Variants in NCKAP5 observed in about 807,000 individuals in gnomAD.
NCKAP5 encodes NCK associated protein 5, also known as nck-associated protein 5.
Under a neutral mutation model 167.0 loss-of-function variants are expected in NCKAP5, and 92 were observed. That is an observed-to-expected ratio of 0.55 (90% confidence interval 0.47 to 0.66). The LOEUF (loss-of-function observed/expected upper bound fraction) is 0.66, where lower values mean the gene tolerates loss of function less well. Ranked by LOEUF, NCKAP5 falls within the 30% of genes least tolerant of loss-of-function variation. The probability of loss-of-function intolerance (pLI) is 0.00; values close to 1 mark genes in which losing one functional copy is unlikely to be tolerated. For missense variants in NCKAP5, 2,378 were observed against 2,315.0 expected (o/e 1.03, Z -0.56); for synonymous variants, 891 against 877.4 (o/e 1.02, Z -0.27).
intron 5 of NCKAP5, among the ~76,000 whole-genome samples, chr2:133,154,030 C>T (rs920237972): frequency 1.2e-4 from 18 of 151,880 alleles, no homozygotes; most frequent in East Asian, 9.7e-4. Context: ...TTAGTAGAGA[C>T]GGGGTTTTGC....
At chr2:133,590,523 CAAAA>C in the NCKAP5 span, among the ~76,000 whole-genome samples, 17,294 of 89,664 alleles carry the variant, frequency 0.19, 904 homozygotes, top group East Asian at 0.34. Context: ...GACTCTGTCT[CAAAA>C]AAAAAAAAAA....
chr2:132,717,793 A>G (rs529716785), intron 19 of NCKAP5, among the ~76,000 whole-genome samples: 1 of 152,184 alleles, frequency 6.6e-6, no homozygotes, highest in African/African-American at 2.4e-5. Flanking sequence ...CTTGTTTGGG[A>G]AATTGGGGCT....
At chr2:133,440,441 T>A (rs1270566484) in intron 3 of NCKAP5, among the ~76,000 whole-genome samples, 1 of 152,128 alleles carries the variant, frequency 6.6e-6, no homozygotes, top group Non-Finnish European at 1.5e-5. Context: ...CCAGGCCCAG[T>A]GGCTCACACC....
chr2:133,479,670 T>C (rs1398491168), intron 3 of NCKAP5, among the ~76,000 whole-genome samples: 1 of 152,170 alleles, frequency 6.6e-6, no homozygotes, highest in Admixed American at 6.5e-5. Flanking sequence ...ACAGATCCAT[T>C]TAGTGGAGAC....
In NCKAP5 at chr2:132,711,078, T is replaced by A. The variant is rs960588102; in HGVS notation, c.5713+14549A>T. Among the ~76,000 whole-genome samples the A allele has an allele frequency of 2.0e-5, 3 of 152,342 alleles. No individual in the cohort carries two copies. In the East Asian group the frequency reaches 5.8e-4, roughly 29 times the overall value. On this transcript the variant is annotated intron_variant, in intron 19 of 19. Coordinates refer to ENST00000409261, the MANE Select transcript of NCKAP5 (RefSeq NM_207363.3). ...GGCACTGTTCTAGGCACTAGTGACA[T>A]AAGCATGAGCAAAAACACTCTGTCC...
chr2:132,908,576 T>G (rs1379401718), intron 8 of NCKAP5, among the ~76,000 whole-genome samples: 3 of 152,256 alleles, frequency 2.0e-5, no homozygotes, highest in Non-Finnish European at 4.4e-5. Flanking sequence ...CTTTTAATGC[T>G]AATTGTTTTT....
intron 8 of NCKAP5, among the ~76,000 whole-genome samples, chr2:132,884,367 A>T (rs550486619): frequency 2.0e-5 from 3 of 152,170 alleles, no homozygotes; most frequent in African/African-American, 7.2e-5. Flanking sequence ...GGCCAGTCCC[A>T]TGGAAGCTTT....
At chr2:133,112,315 A>C (rs769610278) in intron 6 of NCKAP5, among the ~76,000 whole-genome samples, 1 of 152,134 alleles carries the variant, frequency 6.6e-6, no homozygotes, top group Non-Finnish European at 1.5e-5. Flanking sequence ...TCTACTAAAA[A>C]TACGAAAAAT....
At position 133,292,811 on chromosome 2, in the gene NCKAP5, T is replaced by G. The variant is rs149029429; in HGVS notation, c.143+10226A>C. On this transcript the variant is annotated intron_variant, in intron 4 of 19. Coordinates refer to ENST00000409261, the MANE Select transcript of NCKAP5 (RefSeq NM_207363.3). ...AATCTATCTTTTAAGTACGAATATT[T>G]CCCCAGTTACATTAGGGATCAATTT... 4.3e-3 allele frequency among the ~76,000 whole-genome samples: 661 copies of G among 152,278 alleles called. 6 individuals are homozygous for G. Among genetic ancestry groups the G allele is most frequent in the African/African-American group, 0.015 (628 of 41,568 alleles).
Position 132,782,670 on chromosome 2 carries a change from T to A in NCKAP5, c.4141A>T (p.Ile1381Phe), listed in dbSNP as rs191768817. The A allele has an allele frequency of 1.2e-5, 20 of 1,613,170 alleles. No homozygotes were observed. Among genetic ancestry groups the A allele is most frequent in the African/African-American group, 4.0e-5 (3 of 75,046 alleles). ...RIPPKSEGLL[I>F]PPGKEDQQAF... ...TGCTGGTCTTCCTTTCCAGGTGGGA[T>A]GAGGAGTCCCTCAGACTTTGGAGGG... Residue 1381 changes from isoleucine (I) to phenylalanine (F), a missense_variant, in exon 14 of 20, where the codon ATC becomes TTC. Ile to Phe is a conservative substitution (Grantham distance 21). Coordinates refer to ENST00000409261, the MANE Select transcript of NCKAP5 (RefSeq NM_207363.3).
At chr2:133,611,887 G>A in the NCKAP5 span, among the ~76,000 whole-genome samples, 1 of 152,286 alleles carries the variant, frequency 6.6e-6, no homozygotes, top group South Asian at 2.1e-4. Context: ...AGCCTATACA[G>A]AAGTGTCTAG....
chr2:133,010,099 AC>A (rs1469860514), intron 6 of NCKAP5, among the ~76,000 whole-genome samples: 1 of 152,004 alleles, frequency 6.6e-6, no homozygotes, highest in African/African-American at 2.4e-5. Context: ...AATAAAAAAA[AC>A]AAACAGAGGC....
intron 6 of NCKAP5, among the ~76,000 whole-genome samples, chr2:133,024,841 G>A (rs964202192): frequency 9.2e-5 from 14 of 152,194 alleles, no homozygotes; most frequent in African/African-American, 2.9e-4. Flanking sequence ...CTTGGATTTG[G>A]GAACTCAGTC....
At chr2:133,522,061 G>T (rs1291939666) in intron 2 of NCKAP5, among the ~76,000 whole-genome samples, 2 of 152,138 alleles carry the variant, frequency 1.3e-5, no homozygotes, top group African/African-American at 4.8e-5. Context: ...ACATGATCAA[G>T]ACTTCTTGGT....
intron 3 of NCKAP5, among the ~76,000 whole-genome samples, chr2:133,331,751 CA>C (rs1682868950): frequency 6.6e-6 from 1 of 152,234 alleles, no homozygotes; most frequent in Admixed American, 6.5e-5. Flanking sequence ...AGCTGCCAGA[CA>C]AGAATGACTT....
chr2:133,035,611 G>A (rs2079016487), intron 6 of NCKAP5, among the ~76,000 whole-genome samples: 1 of 151,738 alleles, frequency 6.6e-6, no homozygotes, highest in African/African-American at 2.4e-5. Context: ...GAGGAATTTT[G>A]GAAACTATAC....
At chr2:133,475,084 C>A (rs1162652122) in intron 3 of NCKAP5, among the ~76,000 whole-genome samples, 1 of 152,218 alleles carries the variant, frequency 6.6e-6, no homozygotes, top group Non-Finnish European at 1.5e-5. Context: ...GCTGGGATTA[C>A]AGGTGTGAGC....
At chr2:132,965,954 G>A in intron 7 of NCKAP5, among the ~76,000 whole-genome samples, 1 of 150,026 alleles carries the variant, frequency 6.7e-6, no homozygotes, top group South Asian at 2.1e-4. Flanking sequence ...ATCTGTAGAA[G>A]TATCCTGTAA....
At chr2:133,617,367 C>T in the NCKAP5 span, among the ~76,000 whole-genome samples, 1 of 150,614 alleles carries the variant, frequency 6.6e-6, no homozygotes, top group Admixed American at 6.6e-5. Flanking sequence ...CAAACTGTCC[C>T]TGTTTGCAGA....
Sources: allele counts gnomAD v4.1 joint callset (sites outside exome capture counted in the v4.1 genomes callset), GRCh38; gene constraint gnomAD v4.1.1; transcripts MANE v1.5; gene names NCBI Gene and HGNC (gene_info 2026-07-23, HGNC 2026-07-21).